The following ARL17A variants were observed in gnomAD, a reference collection of about 807,000 sequenced individuals.
ARL17A encodes ADP-ribosylation factor-like 17-like.
chr17:46,558,005 C>T (rs1216826622), intron 3 of ARL17A, among the ~76,000 whole-genome samples: 1 of 136,210 alleles, frequency 7.3e-6, no homozygotes, highest in Admixed American at 7.4e-5. Context: ...ACTTAGCCCT[C>T]ATTGAAAAAG....
the ARL17A span, among the ~76,000 whole-genome samples, chr17:46,504,864 TG>T: frequency 4.1e-5 from 5 of 123,434 alleles, no homozygotes; most frequent in Admixed American, 2.5e-4. Flanking sequence ...TTTAATACAT[TG>T]ATTTATTAAT....
the ARL17A span, among the ~76,000 whole-genome samples, chr17:46,500,607 GTAGGCCTGGGTT>G: frequency 6.6e-6 from 1 of 150,848 alleles, no homozygotes; most frequent in East Asian, 1.9e-4. Context: ...TCCTGATTTA[GTAGGCCTGGGTT>G]TAGGCCTGAG....
intron 4 of ARL17A, among the ~76,000 whole-genome samples, chr17:46,534,205 TA>T (rs1305347704): frequency 6.7e-6 from 1 of 149,074 alleles, no homozygotes; most frequent in Non-Finnish European, 1.5e-5. Flanking sequence ...TTGTTTTTTT[TA>T]ATTTTTTTTT....
rs2056224687 is a variant in ARL17A, at chr17:46,545,820, C to G, written c.260-7394G>C. 2.0e-5 allele frequency among the ~76,000 whole-genome samples: 3 copies of G among 149,624 alleles called. 1 individual carries two copies. The highest frequency in any genetic ancestry group is 4.2e-4 in the South Asian group (2 of 4,800). On this transcript the variant is annotated intron_variant, in intron 3 of 4. Coordinates refer to the ARL17A transcript ENST00000329240. ...TTTGTTATTTTTTAACTCCGCAATC[C>G]AGGTTAAACTAAGCTATTTTTAATG... is the stretch of plus-strand genomic sequence containing the variant.
chr17:46,501,215 G>C, the ARL17A span, among the ~76,000 whole-genome samples: 7 of 151,156 alleles, frequency 4.6e-5, no homozygotes, highest in African/African-American at 1.7e-4. Flanking sequence ...AGTCTCTGTT[G>C]CCTAGGCTGG....
At chr17:46,550,940 C>T (rs1415654512), downstream of ARL17A, among the ~76,000 whole-genome samples, 7 of 149,048 alleles carry the variant, frequency 4.7e-5, no homozygotes, top group South Asian at 2.1e-4. Context: ...AAAAGACATA[C>T]GTATTGTCTT....
chr17:46,516,284 C>CA, downstream of ARL17A, among the ~76,000 whole-genome samples: 1 of 111,930 alleles, frequency 8.9e-6, no homozygotes, highest in Non-Finnish European at 2.0e-5. Context: ...GCCTGGGCGA[C>CA]AGAGCAAGAC....
chr17:46,532,997 G>C (rs2053940323), intron 4 of ARL17A, among the ~76,000 whole-genome samples: 1 of 119,096 alleles, frequency 8.4e-6, no homozygotes, highest in Non-Finnish European at 1.7e-5. Flanking sequence ...CAGCTACTCA[G>C]GTGGCTAAGG....
intron 3 of ARL17A, among the ~76,000 whole-genome samples, chr17:46,521,240 G>C (rs2258679): frequency 1.9e-4 from 11 of 58,562 alleles, no homozygotes; most frequent in Middle Eastern, 0.011. Context: ...CCATAGAGGT[G>C]TGTATGTCAT....
chr17:46,534,824 G>T (rs558753251), intron 4 of ARL17A, among the ~76,000 whole-genome samples: 2 of 148,078 alleles, frequency 1.4e-5, no homozygotes, highest in Admixed American at 6.6e-5. Flanking sequence ...CCAGGCGGGG[G>T]CTGGCCCCCA....
chr17:46,542,933 T>A (rs1238402537), intron 3 of ARL17A, among the ~76,000 whole-genome samples: 1 of 149,852 alleles, frequency 6.7e-6, no homozygotes, highest in Non-Finnish European at 1.5e-5. Context: ...CAGGTCACTT[T>A]CTTATCTTGA....
Position 46,547,204 on chromosome 17 carries a change from C to G in ARL17A, c.260-8778G>C, listed in dbSNP as rs1375034794. 190 of 46,424 alleles carry G rather than the reference C, an allele frequency of 4.1e-3. 19 individuals are homozygous for G. Among genetic ancestry groups the G allele is most frequent in the African/African-American group, 0.018 (178 of 9,708 alleles). The allele number at this position is 46,424 out of a possible 1,614,324, so 2.9% of individuals were successfully genotyped here. A position where few individuals can be genotyped will look rare whatever the true frequency, so the allele number is the denominator to read the frequency against. On this transcript the variant is annotated intron_variant, in intron 3 of 4. Transcript: ENST00000329240. The stretch of plus-strand genomic sequence containing the variant: ...TACCAATTATGTTATTCCCTTCTCC[C>G]CAAGAAGTGGGCAGAAAAGCTTTGT...
chr17:46,518,362 AG>A (rs1231932968), intron 3 of ARL17A, among the ~76,000 whole-genome samples: 2 of 137,416 alleles, frequency 1.5e-5, no homozygotes, highest in African/African-American at 5.8e-5. Context: ...GATTATGCTT[AG>A]TTTTCTTGTT....
chr17:46,543,584 G>C (rs2055807072), intron 3 of ARL17A, among the ~76,000 whole-genome samples: 1 of 150,846 alleles, frequency 6.6e-6, no homozygotes, highest in South Asian at 2.1e-4. Context: ...GGTTCTTAGG[G>C]GCTGCACACT....
chr17:46,543,666 G>C (rs534271504), intron 3 of ARL17A, among the ~76,000 whole-genome samples: 1 of 150,806 alleles, frequency 6.6e-6, no homozygotes, highest in Non-Finnish European at 1.5e-5. Context: ...AAAATGTATA[G>C]ACATACACAC....
At chr17:46,516,536 T>C (rs2051361045), downstream of ARL17A, among the ~76,000 whole-genome samples, 1 of 146,570 alleles carries the variant, frequency 6.8e-6, no homozygotes, top group Non-Finnish European at 1.5e-5. Flanking sequence ...AACGCATGGC[T>C]ACAGGTATGG....
chr17:46,505,428 TCA>T, the ARL17A span, among the ~76,000 whole-genome samples: 1 of 111,866 alleles, frequency 8.9e-6, no homozygotes, highest in Non-Finnish European at 1.9e-5. Flanking sequence ...CTTATAGCCT[TCA>T]GTTATCCCAA....
chr17:46,525,602 T>TAATATAATA, downstream of ARL17A, among the ~76,000 whole-genome samples: 1 of 103,292 alleles, frequency 9.7e-6, no homozygotes, highest in East Asian at 2.7e-4. Context: ...ATAATAATAA[T>TAATATAATA]ATAATAATAA....
At chr17:46,551,133 G>T, downstream of ARL17A, among the ~76,000 whole-genome samples, 1 of 149,654 alleles carries the variant, frequency 6.7e-6, no homozygotes, top group African/African-American at 2.6e-5. Context: ...TCTGTGAGAT[G>T]TGTCACCATT....
Sources: allele counts gnomAD v4.1 joint callset (sites outside exome capture counted in the v4.1 genomes callset), GRCh38; gene constraint gnomAD v4.1.1; transcripts MANE v1.5; gene names NCBI Gene and HGNC (gene_info 2026-07-23, HGNC 2026-07-21).